Variants in LRRC4C observed in about 807,000 individuals in gnomAD.
The protein encoded by LRRC4C is leucine rich repeat containing 4C, also known as leucine-rich repeat-containing protein 4C.
A neutral mutation model predicts 33.6 loss-of-function variants in LRRC4C; 5 were observed. The ratio of observed to expected loss-of-function variants is 0.15; its 90% CI spans 0.08 to 0.31. The LOEUF (loss-of-function observed/expected upper bound fraction) is 0.31. Ranked by LOEUF, LRRC4C falls within the 10% of genes least tolerant of loss-of-function variation. The probability of loss-of-function intolerance (pLI) is 1.00; values close to 1 mark genes in which losing one functional copy is unlikely to be tolerated. For synonymous variants in LRRC4C, 329 were observed against 302.0 expected, an observed-to-expected ratio of 1.09 and a Z score of -0.93; for missense variants, 560 against 796.7, an observed-to-expected ratio of 0.70 and a Z score of 3.58.
At chr11:40,811,627 A>G (rs1024319657) in intron 2 of LRRC4C, among the ~76,000 whole-genome samples, 7 of 152,090 alleles carry the variant, frequency 4.6e-5, no homozygotes, top group African/African-American at 1.7e-4. Flanking sequence ...CCTTCTGAGT[A>G]GCTGGGACTA....
At chr11:41,419,255 C>T (rs1191251616) in intron 1 of LRRC4C, among the ~76,000 whole-genome samples, 1 of 151,892 alleles carries the variant, frequency 6.6e-6, no homozygotes, top group Non-Finnish European at 1.5e-5. Flanking sequence ...ACAAGCAGGT[C>T]TAAATAACCC....
intron 3 of LRRC4C, among the ~76,000 whole-genome samples, chr11:40,595,382 G>C (rs1959212111): frequency 6.6e-6 from 1 of 152,074 alleles, no homozygotes; most frequent in East Asian, 1.9e-4. Context: ...TCAGAGGAGT[G>C]AGTCTACCCT....
chr11:41,152,137 T>G (rs1383007341), intron 1 of LRRC4C, among the ~76,000 whole-genome samples: 2 of 152,174 alleles, frequency 1.3e-5, no homozygotes, highest in Non-Finnish European at 1.5e-5. Flanking sequence ...CAGCTCCATA[T>G]GTAGTTAAAG....
intron 2 of LRRC4C, among the ~76,000 whole-genome samples, chr11:40,686,401 A>C (rs59260820): frequency 2.0e-5 from 3 of 152,006 alleles, no homozygotes; most frequent in African/African-American, 7.3e-5. Context: ...GTTGTGGTGC[A>C]CAACCAAGAG....
intron 2 of LRRC4C, among the ~76,000 whole-genome samples, chr11:40,824,435 A>G (rs1472779945): frequency 1.3e-5 from 2 of 151,844 alleles, no homozygotes; most frequent in Non-Finnish European, 2.9e-5. Context: ...TCTTTCCTAA[A>G]TAGAGTTTCA....
intron 3 of LRRC4C, among the ~76,000 whole-genome samples, chr11:40,524,588 T>C (rs1955960257): frequency 6.6e-6 from 1 of 152,194 alleles, no homozygotes; most frequent in Non-Finnish European, 1.5e-5. Flanking sequence ...TGACATTTTA[T>C]ATTCTTAAAA....
intron 3 of LRRC4C, among the ~76,000 whole-genome samples, chr11:40,528,181 G>A (rs1042798875): frequency 1.3e-5 from 2 of 152,060 alleles, no homozygotes; most frequent in Non-Finnish European, 2.9e-5. Context: ...TAGGCAAATG[G>A]AACTCTATCA....
chr11:40,809,199 T>A (rs1951377807), intron 2 of LRRC4C, among the ~76,000 whole-genome samples: 1 of 152,154 alleles, frequency 6.6e-6, no homozygotes, highest in South Asian at 2.1e-4. Flanking sequence ...TGCACCTAAT[T>A]CTCTCTCCAT....
intron 2 of LRRC4C, among the ~76,000 whole-genome samples, chr11:40,808,427 G>T (rs1181953629): frequency 6.6e-6 from 1 of 152,052 alleles, no homozygotes; most frequent in African/African-American, 2.4e-5. Context: ...CAGAGTTCTT[G>T]CTCTCAATTC....
intron 1 of LRRC4C, among the ~76,000 whole-genome samples, chr11:41,284,223 T>C (rs1433739861): frequency 1.3e-5 from 2 of 152,228 alleles, no homozygotes; most frequent in Non-Finnish European, 2.9e-5. Flanking sequence ...ATTACCTATA[T>C]ATTGCTAAAA....
At chr11:40,525,413 T>G (rs1415171555) in intron 3 of LRRC4C, among the ~76,000 whole-genome samples, 1 of 152,062 alleles carries the variant, frequency 6.6e-6, no homozygotes, top group Non-Finnish European at 1.5e-5. Flanking sequence ...ACCACTGCAC[T>G]CCAGCCTGGG....
rs1383911994 is a variant in LRRC4C, at chr11:40,959,149, C to T, written c.-495-25426G>A. 2.6e-5 allele frequency among the ~76,000 whole-genome samples: 4 copies of T among 151,478 alleles called. No homozygotes were observed. The East Asian group carries it at 5.8e-4, about 22-fold the overall frequency. On this transcript the variant is annotated intron_variant, in intron 1 of 6. Coordinates refer to ENST00000528697, the MANE Select transcript of LRRC4C (RefSeq NM_001258419.2). ...ATCATCAATACTTTGAGAAGCCTCT[C>T]GAGATGACTCTAATGCATAGCCTAG... is the stretch of plus-strand genomic sequence containing the variant.
At chr11:40,427,187 A>G (rs765112112) in intron 3 of LRRC4C, among the ~76,000 whole-genome samples, 62 of 152,270 alleles carry the variant, frequency 4.1e-4, no homozygotes, top group Non-Finnish European at 6.9e-4. Flanking sequence ...GGAGAAAAAT[A>G]AAAGAAACTT....
At chr11:40,859,534 T>C (rs902139013) in intron 2 of LRRC4C, among the ~76,000 whole-genome samples, 13 of 152,212 alleles carry the variant, frequency 8.5e-5, no homozygotes, top group Admixed American at 7.2e-4. Flanking sequence ...TACAAATAGA[T>C]ACTGTGCATT....
chr11:40,837,887 TA>T (rs1290839595), intron 2 of LRRC4C, among the ~76,000 whole-genome samples: 3 of 2,310 alleles, frequency 1.3e-3, no homozygotes, highest in Non-Finnish European at 5.7e-3. Context: ...ATGCTTAAAC[TA>T]TATATATATA....
intron 4 of LRRC4C, among the ~76,000 whole-genome samples, chr11:40,272,136 T>C (rs1942752207): frequency 1.3e-5 from 2 of 152,120 alleles, no homozygotes; most frequent in African/African-American, 4.8e-5. Context: ...TGAGTAGAAA[T>C]TGCATAAGAA....
chr11:40,298,029 T>C (rs1944596351), intron 4 of LRRC4C, among the ~76,000 whole-genome samples: 1 of 152,202 alleles, frequency 6.6e-6, no homozygotes, highest in Non-Finnish European at 1.5e-5. Flanking sequence ...TAATGCTTTG[T>C]ACACCGTTGA....
At chr11:40,740,386 T>G (rs1378002686) in intron 2 of LRRC4C, among the ~76,000 whole-genome samples, 1 of 151,976 alleles carries the variant, frequency 6.6e-6, no homozygotes, top group Non-Finnish European at 1.5e-5. Context: ...ATTATTAGAG[T>G]TTTAACCTTC....
intron 1 of LRRC4C, among the ~76,000 whole-genome samples, chr11:40,991,437 A>G (rs1294262389): frequency 6.6e-6 from 1 of 152,206 alleles, no homozygotes; most frequent in Non-Finnish European, 1.5e-5. Flanking sequence ...TTGTGGCATC[A>G]GGAGCCAGCT....
Sources: gnomAD v4.1 joint callset for allele counts (sites outside exome capture counted in the v4.1 genomes callset) on GRCh38, gnomAD v4.1.1 for gene constraint, MANE v1.5 for transcripts, NCBI Gene and HGNC (gene_info 2026-07-23, HGNC 2026-07-21) for gene names.